AFF2: variants seen among roughly 807,000 people sequenced by gnomAD.
AFF2 encodes AF4/FMR2 family member 2.
AFF2 carries 14 observed loss-of-function variants against 76.9 expected under a neutral mutation model. The ratio of observed to expected loss-of-function variants is 0.18; its 90% CI spans 0.12 to 0.28. The LOEUF is 0.28. Among genes scored for constraint, AFF2 ranks in the 10% least tolerant of loss-of-function variants. The probability of loss-of-function intolerance (pLI) is 1.00; values close to 1 mark genes in which losing one functional copy is unlikely to be tolerated. For missense variants in AFF2, 868 were observed against 1,001.1 expected (o/e 0.87, Z 1.79); for synonymous variants, 398 against 366.7 (o/e 1.09, Z -0.98).
At chrX:148,653,286 T>C (rs1041402865) in intron 2 of AFF2, among the ~76,000 whole-genome samples, 1 of 112,217 alleles carries the variant, frequency 8.9e-6, no homozygotes, top group African/African-American at 3.2e-5. Flanking sequence ...ACTTTGAAGG[T>C]ATATATTTAG....
intron 3 of AFF2, among the ~76,000 whole-genome samples, chrX:148,676,170 C>T (rs922875581): frequency 1.2e-4 from 13 of 108,243 alleles, no homozygotes; most frequent in Non-Finnish European, 2.1e-4. Flanking sequence ...CGCCATTCTC[C>T]GGCCTCAGCC....
intron 1 of AFF2, among the ~76,000 whole-genome samples, chrX:148,557,451 A>G (rs1372372558): frequency 8.9e-6 from 1 of 112,205 alleles, no homozygotes; most frequent in African/African-American, 3.2e-5. Flanking sequence ...GGGATGTCCA[A>G]GATCAAGGAG....
At chrX:148,724,079 G>A (rs888566740) in intron 3 of AFF2, among the ~76,000 whole-genome samples, 5 of 109,464 alleles carry the variant, frequency 4.6e-5, no homozygotes, top group Admixed American at 2.0e-4. Flanking sequence ...TTCCCATCCC[G>A]TTCCTAGCAA....
At position 148,932,057 on chromosome X, in the gene AFF2, C is replaced by T. The variant is rs192401768; in HGVS notation, c.1398-21523C>T. 4.9e-3 allele frequency among the ~76,000 whole-genome samples: 554 copies of T among 112,133 alleles called. 2 individuals are homozygous for T. The highest frequency in any genetic ancestry group is 8.4e-3 in the Non-Finnish European group (445 of 53,240). ...CTCCAACTCAGGATTTCACTGTTGT[C>T]AATTCCCTTTCCTCTCTGGGCATCA... is the stretch of plus-strand genomic sequence containing the variant. On this transcript the variant is annotated intron_variant, in intron 9 of 20. Transcript: ENST00000370460.
At chrX:148,940,237 C>T (rs1557285445) in intron 9 of AFF2, among the ~76,000 whole-genome samples, 1 of 111,372 alleles carries the variant, frequency 9.0e-6, no homozygotes, top group Non-Finnish European at 1.9e-5. Flanking sequence ...TTAAACCCCA[C>T]CCCCCAAGTT....
intron 1 of AFF2, among the ~76,000 whole-genome samples, chrX:148,576,761 C>T (rs782242282): frequency 2.3e-4 from 23 of 102,104 alleles, no homozygotes; most frequent in Non-Finnish European, 4.1e-4. Context: ...CCTAGTTTAG[C>T]GACATGAATG....
intron 3 of AFF2, among the ~76,000 whole-genome samples, chrX:148,743,861 C>T (rs1228511506): frequency 9.0e-6 from 1 of 110,870 alleles, no homozygotes; most frequent in Non-Finnish European, 1.9e-5. Context: ...GTGTGGAATG[C>T]TTGCAAAGAA....
chrX:148,661,276 T>C (rs2054301344), intron 2 of AFF2, among the ~76,000 whole-genome samples: 1 of 112,715 alleles, frequency 8.9e-6, no homozygotes, highest in African/African-American at 3.2e-5. Flanking sequence ...GTAAACACAG[T>C]CATTCCAGAA....
chrX:148,986,968 C>T (rs1052508782), intron 19 of AFF2, among the ~76,000 whole-genome samples: 7 of 111,018 alleles, frequency 6.3e-5, no homozygotes, highest in East Asian at 2.8e-4. Flanking sequence ...ATGGAGCCCT[C>T]GGTGGTGGTC....
At chrX:148,683,545 T>A (rs2054570797) in intron 3 of AFF2, among the ~76,000 whole-genome samples, 1 of 112,300 alleles carries the variant, frequency 8.9e-6, no homozygotes, top group African/African-American at 3.2e-5. Context: ...GAAATGCTTC[T>A]GGAGTACTTC....
At chrX:148,515,139 A>AG (rs371628912) in intron 1 of AFF2, among the ~76,000 whole-genome samples, 97 of 112,250 alleles carry the variant, frequency 8.6e-4, no homozygotes, top group African/African-American at 3.0e-3. Flanking sequence ...TTACTTTGAA[A>AG]GGTAATAAAC....
chrX:148,575,750 C>A (rs1338405224), intron 1 of AFF2, among the ~76,000 whole-genome samples: 2 of 109,657 alleles, frequency 1.8e-5, no homozygotes, highest in African/African-American at 6.6e-5. Flanking sequence ...ATTGCAATAG[C>A]CATCTCTTTT....
intron 4 of AFF2, among the ~76,000 whole-genome samples, chrX:148,821,401 A>C (rs1232331406): frequency 4.5e-5 from 5 of 110,944 alleles, no homozygotes; most frequent in African/African-American, 6.6e-5. Flanking sequence ...CCCAGTACCT[A>C]GAGGATAAAC....
chrX:148,984,879 AG>A (rs2072444756), intron 19 of AFF2, among the ~76,000 whole-genome samples: 1 of 111,735 alleles, frequency 8.9e-6, no homozygotes, highest in Non-Finnish European at 1.9e-5. Context: ...GGATATGCTC[AG>A]GGGCACACAG....
intron 1 of AFF2, among the ~76,000 whole-genome samples, chrX:148,569,416 A>C (rs1403093117): frequency 9.0e-6 from 1 of 111,539 alleles, no homozygotes; most frequent in Non-Finnish European, 1.9e-5. Flanking sequence ...TTTTGCTGAA[A>C]TATGGGAAAA....
chrX:148,571,467 G>A (rs2053228720), intron 1 of AFF2, among the ~76,000 whole-genome samples: 2 of 111,606 alleles, frequency 1.8e-5, no homozygotes, highest in East Asian at 2.8e-4. Flanking sequence ...AAGATATCAA[G>A]AAAATTTAAA....
At chrX:148,687,772 T>C (rs942891121) in intron 3 of AFF2, among the ~76,000 whole-genome samples, 10 of 111,169 alleles carry the variant, frequency 9.0e-5, no homozygotes, top group African/African-American at 3.3e-4. Flanking sequence ...TAAATATTGC[T>C]AAAGAAAACC....
At chrX:148,583,885 T>A (rs2053439344) in intron 1 of AFF2, among the ~76,000 whole-genome samples, 1 of 112,100 alleles carries the variant, frequency 8.9e-6, no homozygotes, top group Admixed American at 9.5e-5. Context: ...GAAAGAAGCC[T>A]ACTAGCTAGT....
chrX:148,581,067 A>ATG (rs2053358495), intron 1 of AFF2, among the ~76,000 whole-genome samples: 2 of 98,018 alleles, frequency 2.0e-5, no homozygotes, highest in African/African-American at 3.6e-5. Context: ...GTATATGTAT[A>ATG]TATACACACA....
Sources: gnomAD v4.1 joint callset for allele counts (sites outside exome capture counted in the v4.1 genomes callset) on GRCh38, gnomAD v4.1.1 for gene constraint, MANE v1.5 for transcripts, NCBI Gene and HGNC (gene_info 2026-07-23, HGNC 2026-07-21) for gene names.